Variants in LAMA2 observed in about 807,000 individuals in gnomAD.
LAMA2 encodes the protein laminin subunit alpha 2.
A neutral mutation model predicts 364.8 loss-of-function variants in LAMA2; 269 were observed. The ratio of observed to expected loss-of-function variants is 0.74; its 90% CI spans 0.67 to 0.82. LAMA2 has a LOEUF of 0.82. Ranked by LOEUF, LAMA2 falls within the 40% of genes least tolerant of loss-of-function variation. LAMA2 has a pLI of 0.00. For synonymous variants in LAMA2, 1,379 were observed against 1,370.6 expected (o/e 1.01, Z -0.14); for missense variants, 3,807 against 3,873.2 (o/e 0.98, Z 0.45).
chr6:129,060,478 C>T (rs962615561), intron 3 of LAMA2, among the ~76,000 whole-genome samples: 1 of 152,234 alleles, frequency 6.6e-6, no homozygotes, highest in African/African-American at 2.4e-5. Context: ...TTTCTTCCTT[C>T]TCTTCACAAT....
At chr6:129,166,905 T>C (rs749111110) in intron 9 of LAMA2, among the ~76,000 whole-genome samples, 1 of 152,176 alleles carries the variant, frequency 6.6e-6, no homozygotes, top group Non-Finnish European at 1.5e-5. Flanking sequence ...TAACACATTA[T>C]TATATGGTCG....
At chr6:128,926,031 T>C (rs1052704682) in intron 1 of LAMA2, among the ~76,000 whole-genome samples, 2 of 152,206 alleles carry the variant, frequency 1.3e-5, no homozygotes, top group Non-Finnish European at 2.9e-5. Context: ...TCTATTCTCA[T>C]GAAATATTCA....
At chr6:129,507,280 A>G (rs946490605) in intron 61 of LAMA2, among the ~76,000 whole-genome samples, 3 of 152,170 alleles carry the variant, frequency 2.0e-5, no homozygotes, top group Admixed American at 2.0e-4. Flanking sequence ...GGATAGACAC[A>G]TCCAAGTTGA....
chr6:129,342,017 A>G (rs1776294437), intron 29 of LAMA2, among the ~76,000 whole-genome samples: 1 of 152,224 alleles, frequency 6.6e-6, no homozygotes, highest in Non-Finnish European at 1.5e-5. Context: ...GAAATAATAA[A>G]TTTTAGAGAC....
intron 37 of LAMA2, among the ~76,000 whole-genome samples, chr6:129,399,518 T>C (rs1779844182): frequency 6.6e-6 from 1 of 152,222 alleles, no homozygotes; most frequent in African/African-American, 2.4e-5. Flanking sequence ...TAAGGTTTCA[T>C]AGCTTGGGAG....
At chr6:129,079,995 T>C (rs1207703720) in intron 3 of LAMA2, among the ~76,000 whole-genome samples, 1 of 152,158 alleles carries the variant, frequency 6.6e-6, no homozygotes, top group Non-Finnish European at 1.5e-5. Flanking sequence ...TTATTATTTG[T>C]ATAAATTATA....
chr6:128,980,083 C>T (rs568797823), intron 1 of LAMA2, among the ~76,000 whole-genome samples: 2 of 152,238 alleles, frequency 1.3e-5, no homozygotes, highest in Admixed American at 6.5e-5. Flanking sequence ...CAGCAGGGGG[C>T]TCCAGGAATC....
At chr6:128,993,821 A>T (rs1215184339) in intron 1 of LAMA2, among the ~76,000 whole-genome samples, 1 of 152,188 alleles carries the variant, frequency 6.6e-6, no homozygotes, top group African/African-American at 2.4e-5. Context: ...ATATATGCAG[A>T]AGAAAAATTA....
intron 27 of LAMA2, among the ~76,000 whole-genome samples, chr6:129,319,339 G>A (rs992008276): frequency 3.9e-5 from 6 of 152,058 alleles, no homozygotes; most frequent in Non-Finnish European, 5.9e-5. Flanking sequence ...TTAATTGGCC[G>A]TGTCTACCTG....
chr6:129,431,882 A>G (rs1781614031), intron 41 of LAMA2, among the ~76,000 whole-genome samples: 2 of 152,208 alleles, frequency 1.3e-5, no homozygotes, highest in South Asian at 4.1e-4. Flanking sequence ...GATGTAATAC[A>G]CTTGCAAACG....
chr6:129,476,740 C>T (rs1329069022), intron 53 of LAMA2, among the ~76,000 whole-genome samples: 1 of 152,128 alleles, frequency 6.6e-6, no homozygotes, highest in African/African-American at 2.4e-5. Flanking sequence ...CTTCTCTGTG[C>T]ATTATGCAAG....
At chr6:129,181,808 A>G (rs891783122) in intron 10 of LAMA2, among the ~76,000 whole-genome samples, 1 of 151,956 alleles carries the variant, frequency 6.6e-6, no homozygotes, top group African/African-American at 2.4e-5. Context: ...GAGAAGAATG[A>G]TCATGAGTTA....
intron 9 of LAMA2, among the ~76,000 whole-genome samples, chr6:129,171,268 A>G (rs982144960): frequency 6.6e-6 from 1 of 152,148 alleles, no homozygotes; most frequent in African/African-American, 2.4e-5. Flanking sequence ...TCTTCCTAGC[A>G]TCGATGGTCT....
chr6:129,126,671 C>G (rs184591463), intron 4 of LAMA2, among the ~76,000 whole-genome samples: 244 of 152,124 alleles, frequency 1.6e-3, no homozygotes, highest in African/African-American at 5.6e-3. Flanking sequence ...ATATCAGAAA[C>G]TGAATATATC....
At chr6:129,064,086 T>A (rs1789121958) in intron 3 of LAMA2, among the ~76,000 whole-genome samples, 1 of 152,108 alleles carries the variant, frequency 6.6e-6, no homozygotes, top group East Asian at 1.9e-4. Flanking sequence ...TCTTACTGAT[T>A]CCTGATTACT....
chr6:129,285,784 G>A (rs370209868), intron 18 of LAMA2, among the ~76,000 whole-genome samples: 18 of 151,914 alleles, frequency 1.2e-4, no homozygotes, highest in East Asian at 9.6e-4. Flanking sequence ...GGATTTTGGG[G>A]GAATTTTGTG....
intron 48 of LAMA2, among the ~76,000 whole-genome samples, chr6:129,457,251 C>G (rs566727810): frequency 1.3e-5 from 2 of 151,986 alleles, no homozygotes; most frequent in East Asian, 3.9e-4. Context: ...ACTTTGAGTA[C>G]GAGATGTGAC....
rs9492256 is a variant in LAMA2, at chr6:129,164,597, A to G, written c.1207-979A>G. On this transcript the variant is annotated intron_variant, in intron 8 of 64. Coordinates refer to ENST00000421865, the MANE Select transcript of LAMA2 (RefSeq NM_000426.4). ...AAGTTTACTTTCATACTTTGTTAGGACAGATTAGTGGAAAACTCCAGGTAT... is the reference window on the plus strand; with the variant it reads ...AAGTTTACTTTCATACTTTGTTAGGGCAGATTAGTGGAAAACTCCAGGTAT... Among the ~76,000 whole-genome samples the G allele has an allele frequency of 4.2e-3, 638 of 152,298 alleles. 8 individuals carry two copies. Among genetic ancestry groups the G allele is most frequent in the African/African-American group, 0.013 (540 of 41,568 alleles).
chr6:129,281,558 G>A (rs1788718555), intron 18 of LAMA2, among the ~76,000 whole-genome samples: 1 of 152,132 alleles, frequency 6.6e-6, no homozygotes, highest in Non-Finnish European at 1.5e-5. Flanking sequence ...CTGGGTACAA[G>A]GCTAGACATT....
Sources: gnomAD v4.1 joint callset for allele counts (sites outside exome capture counted in the v4.1 genomes callset) on GRCh38, gnomAD v4.1.1 for gene constraint, MANE v1.5 for transcripts, NCBI Gene and HGNC (gene_info 2026-07-23, HGNC 2026-07-21) for gene names.